The following GSK3B variants were observed in gnomAD, a reference collection of about 807,000 sequenced individuals.
GSK3B encodes glycogen synthase kinase-3 beta.
In GSK3B, 15 loss-of-function variants were observed where a neutral mutation model predicts 56.4. The ratio of observed to expected loss-of-function variants is 0.27; its 90% CI spans 0.18 to 0.41. The LOEUF is 0.41. Ranked by LOEUF, GSK3B falls within the 10% of genes least tolerant of loss-of-function variation. The probability of loss-of-function intolerance (pLI) is 1.00; values close to 1 mark genes in which losing one functional copy is unlikely to be tolerated. For synonymous variants in GSK3B, 181 were observed against 188.9 expected, an observed-to-expected ratio of 0.96 and a Z score of 0.34; for missense variants, 300 against 513.4, an observed-to-expected ratio of 0.58 and a Z score of 4.02.
intron 3 of GSK3B, 112 bp downstream of exon 3, chr3:119,947,156 C>G (rs543100045): frequency 2.9e-6 from 2 of 687,292 alleles, no homozygotes; most frequent in Admixed American, 4.5e-5. Flanking sequence ...GCAAGTGTTT[C>G]GGAATTTTTC....
intron 1 of GSK3B, among the ~76,000 whole-genome samples, chr3:120,090,549 CTT>C (rs1559909583): frequency 6.6e-6 from 1 of 152,138 alleles, no homozygotes; most frequent in African/African-American, 2.4e-5. Context: ...ATTTTTAACT[CTT>C]GACTCCTTCA....
intron 1 of GSK3B, among the ~76,000 whole-genome samples, chr3:120,024,808 G>C (rs758012597): frequency 2.0e-5 from 3 of 152,172 alleles, no homozygotes; most frequent in Non-Finnish European, 1.5e-5. Flanking sequence ...GAGAGGGTAG[G>C]GGGAGGAGGG....
chr3:119,837,444 C>T (rs1470396455), intron 10 of GSK3B, among the ~76,000 whole-genome samples: 9 of 151,848 alleles, frequency 5.9e-5, no homozygotes, highest in African/African-American at 1.7e-4. Flanking sequence ...GGACTACAGG[C>T]GTGAGCCACC....
chr3:120,068,035 T>C (rs1425104991), intron 1 of GSK3B, among the ~76,000 whole-genome samples: 1 of 152,222 alleles, frequency 6.6e-6, no homozygotes, highest in Non-Finnish European at 1.5e-5. Context: ...GTCTTATGCA[T>C]CCTTCTCTTT....
At chr3:119,945,874 C>T (rs1311820490) in intron 3 of GSK3B, among the ~76,000 whole-genome samples, 2 of 151,530 alleles carry the variant, frequency 1.3e-5, no homozygotes, top group Non-Finnish European at 2.9e-5. Context: ...ACAACAACAA[C>T]AAAATGAAGA....
intron 8 of GSK3B, among the ~76,000 whole-genome samples, chr3:119,870,158 T>G (rs1040036231): frequency 1.3e-5 from 2 of 152,064 alleles, no homozygotes; most frequent in African/African-American, 4.8e-5. Flanking sequence ...TAAGTGGGGG[T>G]TCCTTTTTCC....
At chr3:119,846,661 A>T (rs1240551294) in intron 9 of GSK3B, among the ~76,000 whole-genome samples, 1 of 152,226 alleles carries the variant, frequency 6.6e-6, no homozygotes, top group Non-Finnish European at 1.5e-5. Flanking sequence ...GAGGATGTGG[A>T]GAAACAAGAA....
intron 2 of GSK3B, among the ~76,000 whole-genome samples, chr3:119,958,006 ACGTGCTGAGG>A (rs2057230973): frequency 6.6e-6 from 1 of 152,142 alleles, no homozygotes; most frequent in Admixed American, 6.6e-5. Context: ...TGTAATCCCC[ACGTGCTGAGG>A]CGAGGACCTA....
chr3:119,925,470 T>A (rs1456273337), intron 3 of GSK3B, among the ~76,000 whole-genome samples: 1 of 152,318 alleles, frequency 6.6e-6, no homozygotes, highest in African/African-American at 2.4e-5. Context: ...CTTGCATCAC[T>A]ACAAGCACTA....
Position 119,951,757 on chromosome 3 carries a change from T to C in GSK3B, c.283-4406A>G, listed in dbSNP as rs989769842. Among the ~76,000 whole-genome samples, 10 of 152,164 alleles carry C rather than the reference T, an allele frequency of 6.6e-5. 1 individual carries two copies. Among genetic ancestry groups the C allele is most frequent in the Non-Finnish European group, 1.3e-4 (9 of 68,048 alleles). On this transcript the variant is annotated intron_variant, in intron 2 of 10. Transcript: ENST00000264235. Reference sequence around the variant, plus strand: ...TAGCAGATAAAGAATACAAAGCAGCTATTATAATTTATAATTAAGTTCAAA... The same window carrying C: ...TAGCAGATAAAGAATACAAAGCAGCCATTATAATTTATAATTAAGTTCAAA...
chr3:119,900,503 A>C (rs1013283096), intron 7 of GSK3B, among the ~76,000 whole-genome samples: 1 of 152,110 alleles, frequency 6.6e-6, no homozygotes, highest in Non-Finnish European at 1.5e-5. Flanking sequence ...CCTTATTTGA[A>C]ATTTATGTTT....
chr3:120,017,643 T>C (rs1380145632), intron 1 of GSK3B, among the ~76,000 whole-genome samples: 1 of 151,520 alleles, frequency 6.6e-6, no homozygotes, highest in Non-Finnish European at 1.5e-5. Flanking sequence ...ATTAAAACAG[T>C]AGGGAGGGGA....
chr3:119,956,876 G>T (rs1394638470), intron 2 of GSK3B, among the ~76,000 whole-genome samples: 2 of 152,150 alleles, frequency 1.3e-5, no homozygotes, highest in Non-Finnish European at 2.9e-5. Context: ...TTCTATAAAG[G>T]ACCAGACACT....
chr3:119,989,144 T>G (rs2057541246), intron 2 of GSK3B, among the ~76,000 whole-genome samples: 2 of 152,126 alleles, frequency 1.3e-5, no homozygotes, highest in Admixed American at 6.5e-5. Flanking sequence ...AGGAAATCTC[T>G]TCACTGCTGG....
intron 9 of GSK3B, among the ~76,000 whole-genome samples, chr3:119,859,768 C>T (rs562693824): frequency 2.0e-5 from 3 of 152,190 alleles, no homozygotes; most frequent in South Asian, 2.1e-4. Flanking sequence ...TCTTACCCCC[C>T]GCCCCAAAAT....
chr3:119,831,613 T>C (rs547495325), intron 10 of GSK3B, among the ~76,000 whole-genome samples: 93 of 149,212 alleles, frequency 6.2e-4, no homozygotes, highest in African/African-American at 2.3e-3. Flanking sequence ...GCCGAAATCA[T>C]GCCACTGCAC....
intron 8 of GSK3B, among the ~76,000 whole-genome samples, chr3:119,874,113 T>C (rs1441765113): frequency 6.6e-6 from 1 of 152,188 alleles, no homozygotes; most frequent in Non-Finnish European, 1.5e-5. Flanking sequence ...ATTTTAATTA[T>C]AATCAACCAT....
chr3:119,969,228 G>T (rs1302205376), intron 2 of GSK3B, among the ~76,000 whole-genome samples: 5 of 151,356 alleles, frequency 3.3e-5, no homozygotes, highest in Non-Finnish European at 7.4e-5. Context: ...GGAGGCGGAG[G>T]TTACAGTGAG....
At chr3:120,052,876 T>C (rs980944660) in intron 1 of GSK3B, among the ~76,000 whole-genome samples, 2 of 152,188 alleles carry the variant, frequency 1.3e-5, no homozygotes, top group African/African-American at 2.4e-5. Flanking sequence ...TTAACCTCAA[T>C]AGCCGTGTGA....
Sources: allele counts gnomAD v4.1 joint callset (sites outside exome capture counted in the v4.1 genomes callset), GRCh38; gene constraint gnomAD v4.1.1; transcripts MANE v1.5; gene names NCBI Gene and HGNC (gene_info 2026-07-23, HGNC 2026-07-21).